Variants in SERPINB7 observed in about 807,000 individuals in gnomAD.
The protein encoded by SERPINB7 is serpin family B member 7.
In SERPINB7, 31 loss-of-function variants were observed where a neutral mutation model predicts 37.4. The ratio of observed to expected loss-of-function variants is 0.83; its 90% confidence interval spans 0.62 to 1.12. The LOEUF is 1.12. Ranked by LOEUF, SERPINB7 falls within the 50% of genes most tolerant of loss-of-function variation. The probability of loss-of-function intolerance (pLI) is 0.00; values close to 1 mark genes in which losing one functional copy is unlikely to be tolerated. For missense variants in SERPINB7, 521 were observed against 455.3 expected (o/e 1.14, Z -1.31); for synonymous variants, 163 against 166.1 (o/e 0.98, Z 0.14).
At chr18:63,760,883 G>A (rs746425287) in intron 1 of SERPINB7, among the ~76,000 whole-genome samples, 2 of 152,254 alleles carry the variant, frequency 1.3e-5, no homozygotes, top group Admixed American at 6.5e-5. Context: ...GCAAAAGTTT[G>A]CTGTAGGAGT....
intron 1 of SERPINB7, among the ~76,000 whole-genome samples, chr18:63,777,313 T>G (rs2144602651): frequency 6.6e-6 from 1 of 152,220 alleles, no homozygotes; most frequent in East Asian, 1.9e-4. Context: ...TTCACCTCTC[T>G]GGGACTGCAG....
chr18:63,757,512 G>A (rs188766637), intron 1 of SERPINB7, among the ~76,000 whole-genome samples: 1 of 152,322 alleles, frequency 6.6e-6, no homozygotes, highest in East Asian at 1.9e-4. Flanking sequence ...CTTTAGGGTA[G>A]GGGTTGGCAA....
chr18:63,783,236 A>AGAGAGAGAGAGAGAGAGAG (rs2049328748), intron 2 of SERPINB7, among the ~76,000 whole-genome samples: 1 of 61,852 alleles, frequency 1.6e-5, no homozygotes, highest in Non-Finnish European at 3.9e-5. Flanking sequence ...GAGAGAGAGA[A>AGAGAGAGAGAGAGAGAGAG]AGAAAGAAAG....
chr18:63,801,790 G>T (rs561096824), intron 7 of SERPINB7, among the ~76,000 whole-genome samples: 3 of 152,236 alleles, frequency 2.0e-5, no homozygotes, highest in African/African-American at 4.8e-5. Context: ...AGTCTGAAAA[G>T]ACATCTCAAA....
intron 1 of SERPINB7, among the ~76,000 whole-genome samples, chr18:63,766,550 C>A (rs2049181666): frequency 6.6e-6 from 1 of 151,890 alleles, no homozygotes; most frequent in Admixed American, 6.6e-5. Context: ...TTGAGGTGGT[C>A]TAGTTTGCAC....
In SERPINB7 at chr18:63,798,613, A is replaced by T. The variant is rs1458160959; in HGVS notation, c.464A>T (p.Lys155Met). Residue 155 changes from lysine to methionine, a missense_variant, in exon 6 of 8, where the codon AAG (lysine) becomes ATG (methionine). Physicochemically the swap from Lys to Met is moderately conservative, Grantham distance 95. Transcript: ENST00000398019. ...ATTTTTTTTTCAAAAGGCAAAATCA[A>T]GAACGTGATTGGTGAAGGTGGCATA... ...WVENETHGKI[K>M]NVIGEGGISS... 1 of 1,555,760 alleles carries T rather than the reference A, an allele frequency of 6.4e-7. No individual in the cohort carries two copies. The highest frequency in any genetic ancestry group is 2.0e-5 in the Admixed American group (1 of 49,490).
chr18:63,786,929 C>G (rs993241673), intron 2 of SERPINB7, among the ~76,000 whole-genome samples: 1 of 152,018 alleles, frequency 6.6e-6, no homozygotes, highest in Non-Finnish European at 1.5e-5. Flanking sequence ...ATCTAAAATG[C>G]CTGGGACCAA....
intron 1 of SERPINB7, among the ~76,000 whole-genome samples, chr18:63,768,064 T>C (rs2049190228): frequency 6.6e-6 from 1 of 152,028 alleles, no homozygotes; most frequent in Non-Finnish European, 1.5e-5. Flanking sequence ...TCTTTCTTTT[T>C]AGTGACAGTC....
intron 2 of SERPINB7, among the ~76,000 whole-genome samples, chr18:63,786,624 TTA>T (rs2049376200): frequency 6.6e-6 from 1 of 152,024 alleles, no homozygotes; most frequent in Admixed American, 6.6e-5. Context: ...ATCTTTTTTT[TTA>T]AAAAAAATCC....
chr18:63,799,917 G>A (rs531263853), intron 6 of SERPINB7, among the ~76,000 whole-genome samples: 9 of 152,170 alleles, frequency 5.9e-5, no homozygotes, highest in Non-Finnish European at 1.2e-4. Context: ...AAAATTTATT[G>A]CACCTCAGTG....
At chr18:63,792,550 C>T (rs953800149) in intron 3 of SERPINB7, 107 bp downstream of exon 3, 8 of 705,630 alleles carry the variant, frequency 1.1e-5, no homozygotes, top group East Asian at 2.6e-5. Context: ...ATGACTGGAG[C>T]CCAGGAGTTC....
chr18:63,777,074 A>G (rs1256063075), intron 1 of SERPINB7, among the ~76,000 whole-genome samples: 1 of 152,060 alleles, frequency 6.6e-6, no homozygotes, highest in Non-Finnish European at 1.5e-5. Context: ...TAAAGTCAGA[A>G]ACACTATGTG....
intron 1 of SERPINB7, among the ~76,000 whole-genome samples, chr18:63,760,266 C>T (rs1043143472): frequency 6.6e-6 from 1 of 152,052 alleles, no homozygotes; most frequent in African/African-American, 2.4e-5. Flanking sequence ...GGCTTTTTGC[C>T]CCTGCCCTAG....
intron 2 of SERPINB7, among the ~76,000 whole-genome samples, chr18:63,789,552 A>G (rs1159241384): frequency 1.3e-5 from 2 of 152,178 alleles, no homozygotes; most frequent in Non-Finnish European, 2.9e-5. Context: ...CTGCTCACCA[A>G]TGAAGTCGCA....
intron 1 of SERPINB7, among the ~76,000 whole-genome samples, chr18:63,776,806 C>G (rs1382844035): frequency 6.6e-6 from 1 of 151,816 alleles, no homozygotes; most frequent in Non-Finnish European, 1.5e-5. Flanking sequence ...TAAGCTTTCT[C>G]TGGAGTTAAT....
intron 1 of SERPINB7, among the ~76,000 whole-genome samples, chr18:63,761,026 G>A (rs1380316112): frequency 6.6e-6 from 1 of 152,224 alleles, no homozygotes; most frequent in Non-Finnish European, 1.5e-5. Context: ...TCAGACCCCA[G>A]AATGGGAAGA....
intron 1 of SERPINB7, among the ~76,000 whole-genome samples, chr18:63,768,574 A>G (rs778195221): frequency 6.6e-6 from 1 of 152,104 alleles, no homozygotes. Flanking sequence ...CATTTGTGAT[A>G]CAATTAGATA....
chr18:63,769,826 A>G (rs1053004041), intron 1 of SERPINB7, among the ~76,000 whole-genome samples: 1 of 151,902 alleles, frequency 6.6e-6, no homozygotes, highest in Non-Finnish European at 1.5e-5. Context: ...ACAAATTTAA[A>G]TCATTCTTTT....
intron 1 of SERPINB7, among the ~76,000 whole-genome samples, chr18:63,754,840 C>T (rs2049111140): frequency 6.8e-6 from 1 of 147,102 alleles, no homozygotes; most frequent in South Asian, 2.2e-4. Flanking sequence ...GGAAAATGTC[C>T]TAACAATTTT....
Sources: allele counts gnomAD v4.1 joint callset (sites outside exome capture counted in the v4.1 genomes callset), GRCh38; gene constraint gnomAD v4.1.1; transcripts MANE v1.5; gene names NCBI Gene and HGNC (gene_info 2026-07-23, HGNC 2026-07-21).